The following SORCS1 variants were observed in gnomAD, a reference collection of about 807,000 sequenced individuals.
SORCS1 encodes the protein sortilin related VPS10 domain containing receptor 1.
SORCS1 carries 60 observed loss-of-function variants against 146.1 expected under a neutral mutation model. That is an observed-to-expected ratio of 0.41 (90% CI 0.33 to 0.51). The LOEUF (loss-of-function observed/expected upper bound fraction) is 0.51, where lower values mean the gene tolerates loss of function less well. Ranked by LOEUF, SORCS1 falls within the 20% of genes least tolerant of loss-of-function variation. The pLI is 0.21. For missense variants in SORCS1, 1,352 were observed against 1,487.6 expected (o/e 0.91, Z 1.50); for synonymous variants, 637 against 584.0 (o/e 1.09, Z -1.31).
intron 1 of SORCS1, among the ~76,000 whole-genome samples, chr10:107,063,089 T>C (rs185687181): frequency 1.9e-3 from 296 of 152,240 alleles, no homozygotes; most frequent in Non-Finnish European, 2.6e-3. Flanking sequence ...AAGAGAGGAA[T>C]ATGTACCAGT....
chr10:107,171,359 G>A, the SORCS1 span, among the ~76,000 whole-genome samples: 1 of 152,168 alleles, frequency 6.6e-6, no homozygotes, highest in South Asian at 2.1e-4. Flanking sequence ...CCAATCTGGT[G>A]TTCTGTGTAA....
chr10:107,013,051 G>A (rs11193164), intron 1 of SORCS1, among the ~76,000 whole-genome samples: 15 of 152,090 alleles, frequency 9.9e-5, no homozygotes, highest in East Asian at 1.9e-4. Flanking sequence ...CCTTAAGGTC[G>A]AGGAAACAGC....
chr10:106,832,318 A>G (rs1187973793), intron 2 of SORCS1, among the ~76,000 whole-genome samples: 2 of 151,706 alleles, frequency 1.3e-5, no homozygotes, highest in African/African-American at 2.4e-5. Flanking sequence ...CCTCCCGAGT[A>G]GCTGGGATTA....
chr10:106,892,980 C>T (rs1393410369), intron 2 of SORCS1, among the ~76,000 whole-genome samples: 9 of 151,346 alleles, frequency 5.9e-5, no homozygotes, highest in South Asian at 2.1e-4. Context: ...CTGCCACCTC[C>T]GCCTCCCAGG....
At chr10:106,631,997 A>G (rs1848469977) in intron 18 of SORCS1, among the ~76,000 whole-genome samples, 1 of 152,174 alleles carries the variant, frequency 6.6e-6, no homozygotes, top group Admixed American at 6.5e-5. Context: ...GAGCTACTCA[A>G]TGTTTGGACT....
At chr10:106,622,935 TC>T (rs1847848920) in intron 19 of SORCS1, among the ~76,000 whole-genome samples, 2 of 152,192 alleles carry the variant, frequency 1.3e-5, no homozygotes, top group Admixed American at 1.3e-4. Flanking sequence ...GGTAAATATG[TC>T]CCAGGCATTG....
intron 2 of SORCS1, among the ~76,000 whole-genome samples, chr10:106,850,779 A>G (rs972218166): frequency 6.6e-6 from 1 of 152,186 alleles, no homozygotes; most frequent in African/African-American, 2.4e-5. Context: ...TGGATGCCTC[A>G]TGGGAATAGA....
intron 18 of SORCS1, among the ~76,000 whole-genome samples, chr10:106,649,175 G>C (rs1463009919): frequency 6.6e-6 from 1 of 152,180 alleles, no homozygotes; most frequent in Non-Finnish European, 1.5e-5. Flanking sequence ...AAAGCCGTCT[G>C]TCCTTGCGAC....
Position 106,675,033 on chromosome 10 carries a change from A to G in SORCS1, c.1940+16T>C. 1.3e-6 allele frequency: 2 copies of G among 1,594,306 alleles called. No homozygotes were observed. Among genetic ancestry groups the G allele is most frequent in the Non-Finnish European group, 1.7e-6 (2 of 1,162,930 alleles). ...TTTTCTATGAAGGCTGGACCACATC[A>G]TACTTTTCAACTTACGTCATGATGA... On this transcript the variant is annotated intron_variant, in intron 14 of 25. Transcript: ENST00000263054.
At chr10:106,953,715 T>C (rs1378042561) in intron 2 of SORCS1, among the ~76,000 whole-genome samples, 4 of 152,244 alleles carry the variant, frequency 2.6e-5, no homozygotes, top group Non-Finnish European at 5.9e-5. Flanking sequence ...AGCATGTTAC[T>C]GTGTTGAACA....
intron 19 of SORCS1, among the ~76,000 whole-genome samples, chr10:106,621,666 C>T (rs775822502): frequency 6.6e-6 from 1 of 151,988 alleles, no homozygotes; most frequent in Non-Finnish European, 1.5e-5. Context: ...ATTTCCCTCT[C>T]CTGTATTCTC....
intron 1 of SORCS1, among the ~76,000 whole-genome samples, chr10:107,039,383 ACT>A (rs1362036096): frequency 6.6e-6 from 1 of 152,090 alleles, no homozygotes; most frequent in Non-Finnish European, 1.5e-5. Context: ...TGCCAAACTA[ACT>A]GAAAATTCTG....
chr10:106,739,966 A>G (rs1857250818), intron 5 of SORCS1, among the ~76,000 whole-genome samples: 1 of 151,766 alleles, frequency 6.6e-6, no homozygotes, highest in Admixed American at 6.6e-5. Flanking sequence ...AAAAAAAAAA[A>G]AGAAAATTTA....
At chr10:106,996,133 C>G (rs1037793059) in intron 1 of SORCS1, among the ~76,000 whole-genome samples, 2 of 150,394 alleles carry the variant, frequency 1.3e-5, no homozygotes, top group Admixed American at 6.7e-5. Context: ...ACTGGAAAGG[C>G]TGAGGCAGAG....
intron 6 of SORCS1, among the ~76,000 whole-genome samples, chr10:106,729,288 A>G (rs1856424731): frequency 6.6e-6 from 1 of 152,212 alleles, no homozygotes; most frequent in African/African-American, 2.4e-5. Flanking sequence ...AAAACAACCT[A>G]CAACATTGTC....
At chr10:106,843,670 C>T (rs1252461194) in intron 2 of SORCS1, among the ~76,000 whole-genome samples, 1 of 151,976 alleles carries the variant, frequency 6.6e-6, no homozygotes, top group African/African-American at 2.4e-5. Context: ...CTCCTGACCT[C>T]GTGATCTGCC....
chr10:107,020,063 G>GA (rs2133862653), intron 1 of SORCS1, among the ~76,000 whole-genome samples: 1 of 152,346 alleles, frequency 6.6e-6, no homozygotes, highest in East Asian at 1.9e-4. Context: ...CAGTGACCAT[G>GA]AAAGGCAATG....
intron 1 of SORCS1, among the ~76,000 whole-genome samples, chr10:107,085,371 G>A (rs1357851307): frequency 6.6e-6 from 1 of 152,152 alleles, no homozygotes; most frequent in African/African-American, 2.4e-5. Flanking sequence ...TCAAATTGGG[G>A]TGACTCATCA....
chr10:107,178,683 T>A, the SORCS1 span, among the ~76,000 whole-genome samples: 1,470 of 152,194 alleles, frequency 9.7e-3, 8 homozygotes, highest in Non-Finnish European at 0.015. Context: ...GAGATAGGTT[T>A]CGCCTTGTTG....
Sources: gnomAD v4.1 joint callset for allele counts (sites outside exome capture counted in the v4.1 genomes callset) on GRCh38, gnomAD v4.1.1 for gene constraint, MANE v1.5 for transcripts, NCBI Gene and HGNC (gene_info 2026-07-23, HGNC 2026-07-21) for gene names.